Variants in HDAC9 observed in about 807,000 individuals in gnomAD.
The protein encoded by HDAC9 is histone deacetylase 9.
In HDAC9, 41 loss-of-function variants were observed where a neutral mutation model predicts 139.4. The observed-to-expected ratio is 0.29, with a 90% CI of 0.23 to 0.38. The LOEUF is 0.38. HDAC9 is among the 10% of genes least tolerant of loss of function. The pLI, the probability that HDAC9 is intolerant of heterozygous loss-of-function variation, is 1.00. For missense variants in HDAC9, 1,147 were observed against 1,297.0 expected, an observed-to-expected ratio of 0.88 and a Z score of 1.78; for synonymous variants, 517 against 476.2, an observed-to-expected ratio of 1.09 and a Z score of -1.12.
At chr7:18,752,895 A>G (rs1459992836) in intron 14 of HDAC9, among the ~76,000 whole-genome samples, 53 of 152,122 alleles carry the variant, frequency 3.5e-4, no homozygotes, top group Non-Finnish European at 4.4e-5. Context: ...AGGGGATGGT[A>G]AAACACAGAT....
chr7:18,167,045 A>G (rs534885153), intron 2 of HDAC9, among the ~76,000 whole-genome samples: 1 of 152,378 alleles, frequency 6.6e-6, no homozygotes, highest in South Asian at 2.1e-4. Flanking sequence ...GCCACTGGCC[A>G]ATTATCTATT....
intron 2 of HDAC9, among the ~76,000 whole-genome samples, chr7:18,502,842 T>C (rs1036768010): frequency 6.6e-6 from 1 of 152,138 alleles, no homozygotes; most frequent in African/African-American, 2.4e-5. Flanking sequence ...TTACAAGCAT[T>C]TATTATAAAC....
intron 1 of HDAC9, among the ~76,000 whole-genome samples, chr7:18,309,237 A>G (rs1478983076): frequency 6.6e-6 from 1 of 152,154 alleles, no homozygotes; most frequent in African/African-American, 2.4e-5. Context: ...CATTTCCTTT[A>G]AGGACTTTCT....
At chr7:18,528,868 T>A (rs1209436635) in intron 2 of HDAC9, among the ~76,000 whole-genome samples, 1 of 152,162 alleles carries the variant, frequency 6.6e-6, no homozygotes, top group Non-Finnish European at 1.5e-5. Context: ...CTGCCCAGTC[T>A]AGGGTGTGCA....
chr7:18,591,182 A>T (rs1830833755), intron 4 of HDAC9, among the ~76,000 whole-genome samples: 1 of 152,218 alleles, frequency 6.6e-6, no homozygotes, highest in Admixed American at 6.5e-5. Context: ...ATTAAAATAC[A>T]GTGTTTTGTT....
At chr7:18,826,474 G>T (rs1181637386) in intron 17 of HDAC9, among the ~76,000 whole-genome samples, 1 of 152,126 alleles carries the variant, frequency 6.6e-6, no homozygotes, top group East Asian at 1.9e-4. Context: ...TGATGACTGA[G>T]AAAAAGTTTG....
At chr7:18,219,477 A>G (rs928258127) in intron 2 of HDAC9, among the ~76,000 whole-genome samples, 3 of 152,150 alleles carry the variant, frequency 2.0e-5, no homozygotes, top group Admixed American at 2.0e-4. Context: ...AATGAGTTAA[A>G]AAGTGAGAAG....
At chr7:18,298,035 G>A (rs1798264401) in intron 1 of HDAC9, among the ~76,000 whole-genome samples, 1 of 152,062 alleles carries the variant, frequency 6.6e-6, no homozygotes, top group African/African-American at 2.4e-5. Context: ...ATGCTAATGT[G>A]TCAAGTCTGT....
At chr7:18,199,452 G>A (rs1790951056) in intron 2 of HDAC9, among the ~76,000 whole-genome samples, 1 of 152,000 alleles carries the variant, frequency 6.6e-6, no homozygotes, top group African/African-American at 2.4e-5. Context: ...ATAAACCCAA[G>A]GATCTGCTGT....
rs542220808 is a variant in HDAC9 at position 18,980,729 on chromosome 7, T to C, written c.3170+4776T>C. ...CTTCCTTCTTCCTCTTCTTCTTCCT[T>C]CTTCTTCTTCTTCTTCCTTCTTCTT... On this transcript the variant is annotated intron_variant, in intron 25 of 25. Transcript: ENST00000686413. Among the ~76,000 whole-genome samples the C allele has an allele frequency of 2.0e-3, 265 of 129,954 alleles. 3 individuals carry two copies. Among genetic ancestry groups the C allele is most frequent in the African/African-American group, 7.4e-3 (253 of 34,160 alleles). 85.3% of individuals were successfully genotyped at this position (129,954 alleles called of 152,430 possible). A position where few individuals can be genotyped will look rare whatever the true frequency, so the allele number is the denominator to read the frequency against.
rs777213823 is a variant in HDAC9 at position 18,590,316 on chromosome 7, T to C, written c.265-20T>C. On this transcript the variant is annotated intron_variant, in intron 3 of 25. Transcript: ENST00000686413. ...AGCCTAAAGAAATTGCACACTCTCA[T>C]GTCTTTCTCTTCTCGCAAGTTGCAA... 6.2e-7 allele frequency: 1 copy of C among 1,611,464 alleles called. No homozygotes were observed. The highest frequency in any genetic ancestry group is 1.7e-5 in the Admixed American group (1 of 59,678).
intron 16 of HDAC9, among the ~76,000 whole-genome samples, chr7:18,775,795 G>A (rs1790715231): frequency 6.6e-6 from 1 of 151,778 alleles, no homozygotes; most frequent in African/African-American, 2.4e-5. Context: ...GGAAAGGCCT[G>A]GGAGTTCATA....
intron 1 of HDAC9, among the ~76,000 whole-genome samples, chr7:18,341,709 G>GT (rs1264318753): frequency 6.6e-6 from 1 of 151,504 alleles, no homozygotes; most frequent in Non-Finnish European, 1.5e-5. Flanking sequence ...GTTTCTATCA[G>GT]TTTTTGGCCT....
intron 1 of HDAC9, among the ~76,000 whole-genome samples, chr7:18,476,567 A>C (rs1366565629): frequency 6.6e-6 from 1 of 152,004 alleles, no homozygotes; most frequent in African/African-American, 2.4e-5. Context: ...AACATGACGT[A>C]AGTTTCTGGA....
chr7:19,000,470 T>C lies in HDAC9; in HGVS notation c.*4408T>C, dbSNP rs1416067826. 2 of 152,224 alleles carry C rather than the reference T, an allele frequency of 1.3e-5. No individual in the cohort carries two copies. Among genetic ancestry groups the C allele is most frequent in the Non-Finnish European group, 2.9e-5 (2 of 68,030 alleles). The allele number at this position is 152,224 out of a possible 1,614,324, so 9.4% of individuals were successfully genotyped here. On this transcript the variant is annotated 3_prime_UTR_variant, in exon 26 of 26. Transcript: ENST00000686413. ...TAAGTGAACGTGGTATACTCACACA[T>C]GCTATACTCATACTACATAACTTAG...
intron 21 of HDAC9, among the ~76,000 whole-genome samples, chr7:18,869,038 A>G (rs1051929765): frequency 1.3e-5 from 2 of 152,074 alleles, no homozygotes; most frequent in African/African-American, 4.8e-5. Flanking sequence ...AGTTAATGTC[A>G]GTAAGTGCTT....
chr7:18,504,379 C>T (rs561589873), intron 2 of HDAC9, among the ~76,000 whole-genome samples: 1 of 152,320 alleles, frequency 6.6e-6, no homozygotes, highest in African/African-American at 2.4e-5. Flanking sequence ...GATCTTGGCT[C>T]ACTGCAACCT....
intron 22 of HDAC9, among the ~76,000 whole-genome samples, chr7:18,880,025 G>T (rs1467216586): frequency 6.6e-6 from 1 of 152,044 alleles, no homozygotes; most frequent in African/African-American, 2.4e-5. Flanking sequence ...TTCAAAAGAA[G>T]ACATATATGC....
chr7:18,756,817 C>G (rs562620146), intron 14 of HDAC9, among the ~76,000 whole-genome samples: 3 of 152,166 alleles, frequency 2.0e-5, no homozygotes, highest in South Asian at 4.1e-4. Flanking sequence ...CAGAAAGGAC[C>G]AAAAGCCTGT....
Sources: allele counts gnomAD v4.1 joint callset (sites outside exome capture counted in the v4.1 genomes callset), GRCh38; gene constraint gnomAD v4.1.1; transcripts MANE v1.5; gene names NCBI Gene and HGNC (gene_info 2026-07-23, HGNC 2026-07-21).